The following CFTR variants were observed in gnomAD, a reference collection of about 807,000 sequenced individuals.
CFTR encodes the protein CF transmembrane conductance regulator.
In CFTR, 181 loss-of-function variants were observed where a neutral mutation model predicts 171.6. The observed-to-expected ratio is 1.05, with a 90% CI of 0.93 to 1.19. The LOEUF is 1.19. Among genes scored for constraint, CFTR ranks in the 50% most tolerant of loss-of-function variants. CFTR has a pLI of 0.00. For missense variants in CFTR, 1,968 were observed against 1,734.7 expected (o/e 1.13, Z -2.39); for synonymous variants, 583 against 608.0 (o/e 0.96, Z 0.60).
In CFTR at chr7:117,658,340, C is replaced by A. The variant is rs542496916; in HGVS notation, c.3963+5409C>A. Reference sequence around the variant, plus strand: ...AAAATGGGCCCAGCGCAGTGCCTGGCAAATATGGGTACTAAGTAAAAGTAA... The same window carrying A: ...AAAATGGGCCCAGCGCAGTGCCTGGAAAATATGGGTACTAAGTAAAAGTAA... On this transcript the variant is annotated intron_variant, in intron 24 of 26. Coordinates refer to ENST00000003084, the MANE Select transcript of CFTR (RefSeq NM_000492.4). Among the ~76,000 whole-genome samples the A allele has an allele frequency of 2.2e-4, 33 of 152,202 alleles. No individual in the cohort carries two copies. The South Asian group carries it at 3.7e-3, about 17-fold the overall frequency.
At chr7:117,622,723 A>G (rs1000204535) in intron 21 of CFTR, among the ~76,000 whole-genome samples, 3 of 152,152 alleles carry the variant, frequency 2.0e-5, no homozygotes, top group African/African-American at 7.2e-5. Context: ...AAAAGGATGA[A>G]AGGAAATAGA....
intron 11 of CFTR, among the ~76,000 whole-genome samples, chr7:117,567,143 A>G (rs959791502): frequency 2.6e-5 from 4 of 152,250 alleles, no homozygotes; most frequent in Non-Finnish European, 4.4e-5. Flanking sequence ...GTATCATGAC[A>G]TATATATGCC....
intron 18 of CFTR, among the ~76,000 whole-genome samples, chr7:117,607,752 G>A (rs188958507): frequency 1.3e-5 from 2 of 152,306 alleles, no homozygotes; most frequent in East Asian, 1.9e-4. Flanking sequence ...AGAAAAACCA[G>A]ACTGTCAGTT....
chr7:117,496,419 C>T (rs893105769), intron 1 of CFTR, among the ~76,000 whole-genome samples: 10 of 152,182 alleles, frequency 6.6e-5, no homozygotes, highest in African/African-American at 2.4e-4. Flanking sequence ...GTCTAGGCTG[C>T]TCTCAAACTC....
rs142908223 is a variant in CFTR, at chr7:117,628,427, A to G, written c.3717+657A>G. Reference sequence around the variant, plus strand: ...TTCAGGCTCCATAAACATATTTCTTAATTGCCTTCAAATCCCTATTCTGGA... The same window carrying G: ...TTCAGGCTCCATAAACATATTTCTTGATTGCCTTCAAATCCCTATTCTGGA... On this transcript the variant is annotated intron_variant, in intron 22 of 26. Coordinates refer to ENST00000003084, the MANE Select transcript of CFTR (RefSeq NM_000492.4). 4.5e-3 allele frequency among the ~76,000 whole-genome samples: 686 copies of G among 152,256 alleles called. 10 individuals are homozygous for G. Among genetic ancestry groups the G allele is most frequent in the African/African-American group, 0.014 (569 of 41,552 alleles).
chr7:117,588,715 C>A (rs925490054), intron 12 of CFTR, among the ~76,000 whole-genome samples: 4 of 152,022 alleles, frequency 2.6e-5, no homozygotes, highest in Admixed American at 2.0e-4. Context: ...TACAGCTCTG[C>A]AAAGTAAGAA....
intron 1 of CFTR, among the ~76,000 whole-genome samples, chr7:117,496,899 GT>G (rs879872414): frequency 8.1e-5 from 12 of 147,828 alleles, no homozygotes; most frequent in East Asian, 2.0e-4. Context: ...TTCATTGTGA[GT>G]TTTTTTTTTC....
chr7:117,543,100 T>C (rs1215867321), intron 9 of CFTR, among the ~76,000 whole-genome samples: 1 of 152,234 alleles, frequency 6.6e-6, no homozygotes, highest in Non-Finnish European at 1.5e-5. Context: ...TGAGCACACC[T>C]GTTGAAGTTT....
chr7:117,550,329 CA>C (rs374964774), intron 10 of CFTR, among the ~76,000 whole-genome samples: 27,236 of 135,206 alleles, frequency 0.2, 2,576 homozygotes, highest in Non-Finnish European at 0.23. Flanking sequence ...GTGATAGGCT[CA>C]AAAAAAAAAA....
At chr7:117,613,551 C>G (rs1454427762) in intron 20 of CFTR, among the ~76,000 whole-genome samples, 2 of 152,026 alleles carry the variant, frequency 1.3e-5, no homozygotes, top group Non-Finnish European at 2.9e-5. Context: ...AGTATAGTGC[C>G]TGGTCCATGG....
chr7:117,597,301 C>G (rs1222025703), intron 15 of CFTR, among the ~76,000 whole-genome samples: 1 of 152,130 alleles, frequency 6.6e-6, no homozygotes, highest in Admixed American at 6.5e-5. Flanking sequence ...GGACACGCGG[C>G]CTTTAAGAAC....
At chr7:117,516,608 G>A (rs527375457) in intron 3 of CFTR, among the ~76,000 whole-genome samples, 17 of 152,212 alleles carry the variant, frequency 1.1e-4, no homozygotes, top group African/African-American at 4.1e-4. Context: ...GGTGGCGGTG[G>A]GGAGGGGACT....
chr7:117,590,802 T>C (rs931244593), intron 13 of CFTR, among the ~76,000 whole-genome samples: 14 of 152,090 alleles, frequency 9.2e-5, no homozygotes, highest in Admixed American at 2.0e-4. Flanking sequence ...TTCTGTCTTC[T>C]CCTTAGATAG....
chr7:117,480,314 T>G (rs1162013215), intron 1 of CFTR, among the ~76,000 whole-genome samples, 167 bp downstream of exon 1: 1 of 152,106 alleles, frequency 6.6e-6, no homozygotes, highest in East Asian at 1.9e-4. Context: ...ACAGAAAGCA[T>G]TAAGAAGAGA....
At chr7:117,558,572 A>AATAAATAC (rs1799401024) in intron 10 of CFTR, among the ~76,000 whole-genome samples, 1 of 151,556 alleles carries the variant, frequency 6.6e-6, no homozygotes, top group African/African-American at 2.4e-5. Flanking sequence ...TAAATAAATA[A>AATAAATAC]ATAAATAAAT....
intron 1 of CFTR, among the ~76,000 whole-genome samples, chr7:117,503,292 G>T (rs1208098946): frequency 6.6e-6 from 1 of 152,138 alleles, no homozygotes; most frequent in Non-Finnish European, 1.5e-5. Context: ...AAAGAAAGAT[G>T]CTGAGGGAAA....
chr7:117,559,438 CTAA>C (rs1562898288), intron 10 of CFTR, 23 bp from the exon 11 acceptor site: 1 of 1,463,142 alleles, frequency 6.8e-7, no homozygotes, highest in South Asian at 1.1e-5. Context: ...TGATAATGAC[CTAA>C]TAATGATGGG....
At chr7:117,642,678 T>C in intron 23 of CFTR, 85 bp downstream of exon 23, 11 of 1,387,662 alleles carry the variant, frequency 7.9e-6, no homozygotes, top group Non-Finnish European at 1.1e-5. Flanking sequence ...GAAATTCATA[T>C]TACTCTGCAA....
At chr7:117,487,434 A>G (rs546316297) in intron 1 of CFTR, among the ~76,000 whole-genome samples, 2 of 152,216 alleles carry the variant, frequency 1.3e-5, no homozygotes, top group Admixed American at 1.3e-4. Context: ...TCACTCCTTT[A>G]GGCAGTGCTT....
Sources: allele counts gnomAD v4.1 joint callset (sites outside exome capture counted in the v4.1 genomes callset), GRCh38; gene constraint gnomAD v4.1.1; transcripts MANE v1.5; gene names NCBI Gene and HGNC (gene_info 2026-07-23, HGNC 2026-07-21).